The following PCSK5 variants were observed in gnomAD, a reference collection of about 807,000 sequenced individuals.
The protein encoded by PCSK5 is prohormone convertase 5.
PCSK5 carries 129 observed loss-of-function variants against 233.2 expected under a neutral mutation model. The ratio of observed to expected loss-of-function variants is 0.55; its 90% confidence interval spans 0.48 to 0.64. The LOEUF (loss-of-function observed/expected upper bound fraction) is 0.64. PCSK5 is among the 30% of genes least tolerant of loss of function. The probability of loss-of-function intolerance (pLI) is 0.00; values close to 1 mark genes in which losing one functional copy is unlikely to be tolerated. For missense variants in PCSK5, 2,076 were observed against 2,430.1 expected (o/e 0.85, Z 3.06); for synonymous variants, 825 against 879.2 (o/e 0.94, Z 1.09).
At chr9:76,174,965 A>G in intron 13 of PCSK5, 21 bp from the exon 14 acceptor site, 1 of 1,580,514 alleles carries the variant, frequency 6.3e-7, no homozygotes, top group Non-Finnish European at 8.6e-7. Flanking sequence ...TCATGCTGTG[A>G]TTTCATTATT....
chr9:75,908,973 A>C (rs964395337), intron 1 of PCSK5, among the ~76,000 whole-genome samples: 2 of 126,784 alleles, frequency 1.6e-5, no homozygotes, highest in Admixed American at 7.7e-5. Flanking sequence ...CTATCTATCT[A>C]TCTATCTATC....
At chr9:75,890,031 T>C (rs914578537), upstream of PCSK5, among the ~76,000 whole-genome samples, 15 of 152,152 alleles carry the variant, frequency 9.9e-5, no homozygotes, top group Non-Finnish European at 1.6e-4. Flanking sequence ...CACCAAATAT[T>C]CATAGAAACA....
At chr9:75,960,571 C>T (rs757096426) in intron 2 of PCSK5, among the ~76,000 whole-genome samples, 18 of 152,322 alleles carry the variant, frequency 1.2e-4, no homozygotes, top group South Asian at 4.1e-4. Flanking sequence ...AAATTTAAGA[C>T]GCCAAAGATT....
chr9:76,280,560 G>A (rs59739018), intron 24 of PCSK5, among the ~76,000 whole-genome samples: 19,405 of 151,840 alleles, frequency 0.13, 1,692 homozygotes, highest in African/African-American at 0.25. Flanking sequence ...TGGGCAACAT[G>A]GGGAAAACCC....
chr9:75,939,478 A>G (rs1322153223), intron 2 of PCSK5, among the ~76,000 whole-genome samples: 1 of 152,192 alleles, frequency 6.6e-6, no homozygotes, highest in Non-Finnish European at 1.5e-5. Flanking sequence ...GTGAGCCACA[A>G]ACATTTGGGT....
At position 76,158,619 on chromosome 9, in the gene PCSK5, T is replaced by A. The variant is rs2377526; in HGVS notation, c.1431-364T>A. On this transcript the variant is annotated intron_variant, in intron 11 of 37. Transcript: ENST00000674117. ...CAGTGTATTCCATAGATCAGCTACGTCACTATCACCTGGGAACTTGTTAGA... is the reference window on the plus strand; with the variant it reads ...CAGTGTATTCCATAGATCAGCTACGACACTATCACCTGGGAACTTGTTAGA... 4.0e-5 allele frequency among the ~76,000 whole-genome samples: 6 copies of A among 151,896 alleles called. No individual in the cohort carries two copies. The South Asian group carries it at 1.2e-3, about 32-fold the overall frequency.
At chr9:76,240,392 C>T (rs987623954) in intron 23 of PCSK5, among the ~76,000 whole-genome samples, 4 of 152,120 alleles carry the variant, frequency 2.6e-5, no homozygotes, top group Non-Finnish European at 4.4e-5. Context: ...GCATATGGTC[C>T]AACCTGGTTC....
chr9:76,031,164 G>T (rs1159499567), intron 5 of PCSK5, among the ~76,000 whole-genome samples: 1 of 152,054 alleles, frequency 6.6e-6, no homozygotes, highest in Non-Finnish European at 1.5e-5. Flanking sequence ...TGCCCTCTTT[G>T]CTCATTAGAC....
chr9:76,097,910 T>C (rs1049687270), intron 8 of PCSK5, among the ~76,000 whole-genome samples: 1 of 152,182 alleles, frequency 6.6e-6, no homozygotes, highest in Admixed American at 6.5e-5. Context: ...CTTTTCAAGG[T>C]AGAGCTAAGC....
chr9:76,024,817 C>T (rs566036739), intron 4 of PCSK5, among the ~76,000 whole-genome samples: 5 of 152,290 alleles, frequency 3.3e-5, no homozygotes, highest in South Asian at 2.1e-4. Context: ...CGTTCGGTAA[C>T]ATGTCAAAGA....
intron 5 of PCSK5, among the ~76,000 whole-genome samples, chr9:76,060,269 AT>A (rs1829979279): frequency 6.6e-6 from 1 of 152,230 alleles, no homozygotes; most frequent in Non-Finnish European, 1.5e-5. Context: ...TGGAAGCCTT[AT>A]TAATAAAAAT....
chr9:76,082,278 C>T (rs1329277993), intron 7 of PCSK5, among the ~76,000 whole-genome samples: 1 of 152,186 alleles, frequency 6.6e-6, no homozygotes, highest in Non-Finnish European at 1.5e-5. Flanking sequence ...AGTGTTCTCT[C>T]AGGAAACATT....
chr9:76,338,346 G>C lies in PCSK5; in HGVS notation c.4865G>C (p.Arg1622Pro). 6.2e-7 allele frequency: 1 copy of C among 1,612,526 alleles called. No homozygotes were observed. Among genetic ancestry groups the C allele is most frequent in the Non-Finnish European group, 8.5e-7 (1 of 1,179,656 alleles). ...TGCGATAGATTTTTCTTTCTGCTCC[G>C]CTCCAAAGGAGAGTGTCATCGCTCC... is the stretch of plus-strand genomic sequence containing the variant. ...LSCDRFFFLL[R>P]SKGECHRSCP... Residue 1622 changes from arginine (R) to proline (P), a missense_variant, in exon 35 of 38, where the codon CGC becomes CCC. Physicochemically the swap from Arg to Pro is moderately radical, Grantham distance 103. Transcript: ENST00000674117.
intron 24 of PCSK5, among the ~76,000 whole-genome samples, chr9:76,244,878 A>C (rs1826539851): frequency 6.6e-6 from 1 of 152,228 alleles, no homozygotes; most frequent in Non-Finnish European, 1.5e-5. Flanking sequence ...CAAATAGATA[A>C]CATTTTATAT....
At chr9:76,124,284 T>C (rs910310254) in intron 9 of PCSK5, among the ~76,000 whole-genome samples, 1 of 152,156 alleles carries the variant, frequency 6.6e-6, no homozygotes, top group Non-Finnish European at 1.5e-5. Flanking sequence ...TGTGTGTTCA[T>C]TAAGTGAAGT....
At chr9:76,332,992 T>A (rs1157475858) in intron 34 of PCSK5, among the ~76,000 whole-genome samples, 2 of 152,140 alleles carry the variant, frequency 1.3e-5, no homozygotes, top group African/African-American at 4.8e-5. Context: ...ATGGGCAACA[T>A]CTTGAGACCC....
intron 2 of PCSK5, among the ~76,000 whole-genome samples, chr9:75,951,786 G>A (rs4512449): frequency 0.87 from 131,525 of 151,702 alleles, 57,106 homozygotes; most frequent in African/African-American, 0.91. Context: ...AAAATACAGT[G>A]TAACAACTAT....
chr9:76,295,973 CAG>C (rs1305800102), intron 26 of PCSK5, among the ~76,000 whole-genome samples: 1 of 152,200 alleles, frequency 6.6e-6, no homozygotes, highest in Admixed American at 6.5e-5. Context: ...TTTCTCTACA[CAG>C]AGATTTATTT....
At position 76,207,831 on chromosome 9, in the gene PCSK5, G is replaced by A. The variant is rs911886042; in HGVS notation, c.2626+18085G>A. 2.0e-5 allele frequency among the ~76,000 whole-genome samples: 3 copies of A among 152,136 alleles called. No homozygotes were observed. The East Asian group carries it at 5.8e-4, about 29-fold the overall frequency. On this transcript the variant is annotated intron_variant, in intron 20 of 37. Transcript: ENST00000674117. ...AATTTTTCCCTGATGGAGCCTTGGG[G>A]CTGTCTTAGTCTGCTTCCTGCTGCT...
Sources: gnomAD v4.1 joint callset for allele counts (sites outside exome capture counted in the v4.1 genomes callset) on GRCh38, gnomAD v4.1.1 for gene constraint, MANE v1.5 for transcripts, NCBI Gene and HGNC (gene_info 2026-07-23, HGNC 2026-07-21) for gene names.